Variants in UQCRC1 observed in about 807,000 individuals in gnomAD.
UQCRC1 encodes the protein cytochrome b-c1 complex subunit 1, mitochondrial.
In UQCRC1, 34 loss-of-function variants were observed where a neutral mutation model predicts 58.0. The observed-to-expected ratio is 0.59, with a 90% CI of 0.45 to 0.78. The LOEUF (loss-of-function observed/expected upper bound fraction) is 0.78. Among genes scored for constraint, UQCRC1 ranks in the 30% least tolerant of loss-of-function variants. UQCRC1 has a pLI of 0.00. For synonymous variants in UQCRC1, 276 were observed against 248.8 expected (o/e 1.11, Z -1.03); for missense variants, 610 against 646.0 (o/e 0.94, Z 0.60).
chr3:48,609,360 C>T, intron 1 of UQCRC1, 58 bp from the exon 2 acceptor site: 10 of 1,566,524 alleles, frequency 6.4e-6, no homozygotes, highest in East Asian at 2.3e-5. Context: ...CCCCACCTCC[C>T]AGGTCCTCAG....
chr3:48,604,924 G>A, intron 3 of UQCRC1, 144 bp from the exon 4 acceptor site: 2 of 1,240,812 alleles, frequency 1.6e-6, no homozygotes, highest in Non-Finnish European at 2.2e-6. Flanking sequence ...CCCAGAGTCT[G>A]TTTACCAAGC....
intron 2 of UQCRC1, among the ~76,000 whole-genome samples, chr3:48,607,726 C>G (rs1281884425): frequency 6.6e-6 from 1 of 151,974 alleles, no homozygotes; most frequent in Non-Finnish European, 1.5e-5. Context: ...GCCCCGCCCA[C>G]AAGTGTGATG....
intron 2 of UQCRC1, among the ~76,000 whole-genome samples, chr3:48,608,179 C>G (rs1331168656): frequency 3.9e-5 from 6 of 152,230 alleles, no homozygotes; most frequent in African/African-American, 1.2e-4. Flanking sequence ...CACTGTCCAT[C>G]ATTCCACTCT....
chr3:48,606,669 A>C (rs1192991220), intron 2 of UQCRC1, among the ~76,000 whole-genome samples: 4 of 151,868 alleles, frequency 2.6e-5, no homozygotes, highest in Non-Finnish European at 5.9e-5. Context: ...GCTTGAACCC[A>C]AGAGGCAGAG....
chr3:48,606,418 A>G (rs1413797837), intron 2 of UQCRC1, among the ~76,000 whole-genome samples: 3 of 152,174 alleles, frequency 2.0e-5, no homozygotes, highest in Non-Finnish European at 2.9e-5. Flanking sequence ...CAATAAGGTA[A>G]TATTAATTTT....
Position 48,609,322 on chromosome 3 carries a change from C to A in UQCRC1, c.70-20G>T. The A allele has an allele frequency of 6.3e-6, 10 of 1,593,258 alleles. No individual in the cohort carries two copies. The highest frequency in any genetic ancestry group is 7.7e-6 in the Non-Finnish European group (9 of 1,166,992). ...GGCCGGCTGTGGAAGGGAACAGCCG[C>A]GAGTGAGGACTCGGTCAGGGGATCG... On this transcript the variant is annotated intron_variant, in intron 1 of 12. Transcript: ENST00000203407.
At position 48,599,682 on chromosome 3, in the gene UQCRC1, A is replaced by C. The variant is rs775255189; in HGVS notation, c.1331T>G (p.Ile444Ser). The stretch of plus-strand genomic sequence containing the variant: ...CTGGTCATAGATGTACTTGGAGCAG[A>C]TCTCACGTACCACACTGGCATCCAC... ...AEVDASVVREICSKYIYDQCP... is the reference protein window; with the variant it reads ...AEVDASVVRESCSKYIYDQCP... Residue 444 changes from isoleucine (I) to serine (S), a missense_variant, in exon 12 of 13, where the codon ATC becomes AGC. Coordinates refer to ENST00000203407, the MANE Select transcript of UQCRC1 (RefSeq NM_003365.3). The C allele has an allele frequency of 1.2e-6, 2 of 1,613,752 alleles. No homozygotes were observed. Among genetic ancestry groups the C allele is most frequent in the Non-Finnish European group, 1.7e-6 (2 of 1,179,984 alleles).
At chr3:48,601,255 G>A in intron 7 of UQCRC1, 97 bp downstream of exon 7, 1 of 1,545,396 alleles carries the variant, frequency 6.5e-7, no homozygotes, top group Non-Finnish European at 8.8e-7. Flanking sequence ...CTTCCCAACT[G>A]CTGAGGTATC....
Position 48,609,263 on chromosome 3 carries a change from T to TTGCCGTACTCCGCAAGGC in UQCRC1, c.91_108dup (p.Ala31_Ala36dup), listed in dbSNP as rs765174323. On this transcript the variant is annotated inframe_insertion, in exon 2 of 13. Transcript: ENST00000203407. ...ACGAACTGGAGCGCCTGAGCGAAGGTTGCCGTACTCCGCAAGGCTGGCGTC... is the reference window on the plus strand; with the variant it reads ...ACGAACTGGAGCGCCTGAGCGAAGGTTGCCGTACTCCGCAAGGCTGCCGTACTCCGCAAGGCTGGCGTC... 2.9e-5 allele frequency: 46 copies of TTGCCGTACTCCGCAAGGC among 1,612,330 alleles called. No individual in the cohort carries two copies. The Middle Eastern group carries it at 4.9e-4, about 17-fold the overall frequency.
At chr3:48,601,888 G>C (rs1229848622) in intron 6 of UQCRC1, among the ~76,000 whole-genome samples, 2 of 152,108 alleles carry the variant, frequency 1.3e-5, no homozygotes, top group Non-Finnish European at 2.9e-5. Context: ...GGCAAGTGAG[G>C]GGGCAGAAAG....
At position 48,600,686 on chromosome 3, in the gene UQCRC1, C is replaced by G; in HGVS notation, c.1121G>C (p.Gly374Ala). Reference sequence around the variant, plus strand: ...ATACCAGGCTGCCACTTACCACTGCCCTTGCAGGACGAACATCATGTCATC... The same window carrying G: ...ATACCAGGCTGCCACTTACCACTGCGCTTGCAGGACGAACATCATGTCATC... ...KIDDMMFVLQ[G>A]QWMRLCTSAT... The change falls in exon 9 of 13, where the codon GGG becomes GCG. Residue 374 changes from glycine to alanine, a missense_variant. By Grantham distance (60) the Gly-to-Ala change is moderately conservative. Transcript: ENST00000203407. 6.2e-7 allele frequency: 1 copy of G among 1,614,170 alleles called. No homozygotes were observed. Among genetic ancestry groups the G allele is most frequent in the Non-Finnish European group, 8.5e-7 (1 of 1,180,038 alleles).
At chr3:48,607,051 T>G (rs572664849) in intron 2 of UQCRC1, among the ~76,000 whole-genome samples, 89 of 149,368 alleles carry the variant, frequency 6.0e-4, no homozygotes, top group African/African-American at 5.9e-4. Flanking sequence ...GTGTGTGTGT[T>G]TTTTTTTTGA....
intron 6 of UQCRC1, among the ~76,000 whole-genome samples, chr3:48,602,294 G>C (rs566982168): frequency 2.0e-5 from 3 of 151,928 alleles, no homozygotes; most frequent in Admixed American, 6.6e-5. Flanking sequence ...CTTGTGATCC[G>C]CCCGCCTCGG....
At position 48,600,297 on chromosome 3, in the gene UQCRC1, T is replaced by C. The variant is rs556975231; in HGVS notation, c.1214-146A>G. 6.4e-6 allele frequency: 7 copies of C among 1,091,740 alleles called. No homozygotes were observed. In the East Asian group the frequency reaches 7.6e-5, roughly 12 times the overall value. 67.6% of individuals were successfully genotyped at this position (1,091,740 alleles called of 1,614,324 possible). ...CAGCCCTCTCTTCTATGGTCACCTA[T>C]TATGGCAGTGATGGGCTGTGGACCT... On this transcript the variant is annotated intron_variant, in intron 10 of 12. Coordinates refer to ENST00000203407, the MANE Select transcript of UQCRC1 (RefSeq NM_003365.3).
chr3:48,604,210 C>A (rs1381521542), intron 5 of UQCRC1, 23 bp downstream of exon 5: 1 of 1,610,596 alleles, frequency 6.2e-7, no homozygotes, highest in African/African-American at 1.3e-5. Context: ...AAGCATCCCC[C>A]CACAAGGCCA....
chr3:48,599,835 G>A, intron 11 of UQCRC1, 125 bp from the exon 12 acceptor site: 1 of 1,151,116 alleles, frequency 8.7e-7, no homozygotes, highest in Non-Finnish European at 1.3e-6. Flanking sequence ...CCCAAAAGAG[G>A]AAAGGCAGAA....
In UQCRC1 at chr3:48,609,184, T is replaced by C. The variant is rs1415688036; in HGVS notation, c.188A>G (p.Gln63Arg). The C allele has an allele frequency of 2.5e-6, 4 of 1,611,704 alleles. No individual in the cohort carries two copies. Among genetic ancestry groups the C allele is most frequent in the Non-Finnish European group, 2.5e-6 (3 of 1,178,778 alleles). ...LDNGLRVASE[Q>R]SSQPTCTVGV... ...CACCGTGCAAGTGGGCTGAGAGGAC[T>C]GCTCGGAGGCCACACGCAGGCCGTT... The change falls in exon 2 of 13, where the codon CAG (glutamine) becomes CGG (arginine). Residue 63 changes from glutamine (Q) to arginine (R), a missense_variant. Gln to Arg is a conservative substitution (Grantham distance 43). Transcript: ENST00000203407.
intron 5 of UQCRC1, 85 bp from the exon 6 acceptor site, chr3:48,603,728 G>T (rs1253817880): frequency 3.2e-6 from 4 of 1,239,968 alleles, no homozygotes; most frequent in South Asian, 1.3e-5. Flanking sequence ...TGAGGAGGCA[G>T]ACTAGGAGAG....
At chr3:48,600,223 C>T (rs2046351646) in intron 10 of UQCRC1, 72 bp from the exon 11 acceptor site, 7 of 1,546,596 alleles carry the variant, frequency 4.5e-6, no homozygotes, top group Non-Finnish European at 6.2e-6. Flanking sequence ...AAACAATCTC[C>T]AGCCTCAGGT....
Sources: allele counts gnomAD v4.1 joint callset (sites outside exome capture counted in the v4.1 genomes callset), GRCh38; gene constraint gnomAD v4.1.1; transcripts MANE v1.5; gene names NCBI Gene and HGNC (gene_info 2026-07-23, HGNC 2026-07-21).